GABRG3: variants seen among roughly 807,000 people sequenced by gnomAD.
GABRG3 encodes the protein gamma-aminobutyric acid type A receptor subunit gamma3.
In GABRG3, 25 loss-of-function variants were observed where a neutral mutation model predicts 48.8. That is an observed-to-expected ratio of 0.51 (90% confidence interval 0.37 to 0.72). The LOEUF (loss-of-function observed/expected upper bound fraction) is 0.72, where lower values mean the gene tolerates loss of function less well. Ranked by LOEUF, GABRG3 falls within the 30% of genes least tolerant of loss-of-function variation. The pLI, the probability that GABRG3 is intolerant of heterozygous loss-of-function variation, is 0.00. For missense variants in GABRG3, 394 were observed against 577.9 expected (o/e 0.68, Z 3.26); for synonymous variants, 227 against 217.6 (o/e 1.04, Z -0.38).
chr15:27,424,617 G>A (rs560369168), intron 5 of GABRG3, among the ~76,000 whole-genome samples: 1 of 146,566 alleles, frequency 6.8e-6, no homozygotes, highest in African/African-American at 2.5e-5. Context: ...GCAATGGCAT[G>A]ATCTCAGCTC....
At chr15:27,518,601 A>C (rs1003386577) in intron 6 of GABRG3, among the ~76,000 whole-genome samples, 6 of 152,162 alleles carry the variant, frequency 3.9e-5, no homozygotes, top group African/African-American at 1.2e-4. Flanking sequence ...AAGCTAAGTG[A>C]GTGAATAGGA....
intron 5 of GABRG3, chr15:27,420,679 T>TA (rs1192874561): frequency 6.6e-6 from 1 of 152,238 alleles, no homozygotes; most frequent in Non-Finnish European, 1.5e-5. Context: ...TTTGTAATTT[T>TA]ACCTCCATAA....
intron 2 of GABRG3, among the ~76,000 whole-genome samples, chr15:27,002,761 A>AAGG (rs1895475376): frequency 4.8e-5 from 2 of 41,370 alleles, no homozygotes; most frequent in Admixed American, 1.9e-4. Context: ...AAAAAAAAAA[A>AAGG]AAGGAAGGAA....
At chr15:27,239,584 A>C (rs1434243615) in intron 3 of GABRG3, among the ~76,000 whole-genome samples, 1 of 152,208 alleles carries the variant, frequency 6.6e-6, no homozygotes, top group Admixed American at 6.5e-5. Flanking sequence ...TTATTTTTCT[A>C]ATATGAAATT....
chr15:27,436,368 G>A lies in GABRG3; in HGVS notation c.575-44282G>A, dbSNP rs140054637. Among the ~76,000 whole-genome samples, 6 of 152,278 alleles carry A rather than the reference G, an allele frequency of 3.9e-5. No individual in the cohort carries two copies. In the South Asian group the frequency reaches 6.2e-4, roughly 16 times the overall value. Reference sequence around the variant, plus strand: ...CACCTCCAAATACCACTGGGAATTCGGATTTGAGCACATGAATTTTGGAGG... The same window carrying A: ...CACCTCCAAATACCACTGGGAATTCAGATTTGAGCACATGAATTTTGGAGG... On this transcript the variant is annotated intron_variant, in intron 5 of 9. Transcript: ENST00000615808.
At chr15:27,420,133 G>A (rs1030609278) in intron 5 of GABRG3, among the ~76,000 whole-genome samples, 4 of 152,102 alleles carry the variant, frequency 2.6e-5, no homozygotes, top group African/African-American at 7.2e-5. Flanking sequence ...ACCCTGCCGT[G>A]CAAATCCTTT....
chr15:27,323,263 A>G (rs907112250), intron 3 of GABRG3, among the ~76,000 whole-genome samples: 3 of 152,182 alleles, frequency 2.0e-5, no homozygotes, highest in African/African-American at 7.2e-5. Flanking sequence ...TCTGAGCTTC[A>G]ATTTCTCTGT....
At chr15:27,507,197 A>G (rs1203711462) in intron 6 of GABRG3, among the ~76,000 whole-genome samples, 2 of 152,086 alleles carry the variant, frequency 1.3e-5, no homozygotes, top group Admixed American at 6.6e-5. Context: ...TGTATGATTT[A>G]TATTCTTTTA....
chr15:27,228,518 A>G (rs548620451), intron 3 of GABRG3, among the ~76,000 whole-genome samples: 20 of 152,330 alleles, frequency 1.3e-4, no homozygotes, highest in East Asian at 5.8e-4. Flanking sequence ...CAGCGCTGCA[A>G]TGAACATGCA....
At chr15:27,295,431 C>T (rs890569997) in intron 3 of GABRG3, among the ~76,000 whole-genome samples, 26 of 152,134 alleles carry the variant, frequency 1.7e-4, no homozygotes, top group East Asian at 9.7e-4. Flanking sequence ...CTGATAATGG[C>T]GAACGAGGGA....
At chr15:27,121,537 T>C (rs958260801) in intron 3 of GABRG3, among the ~76,000 whole-genome samples, 9 of 152,224 alleles carry the variant, frequency 5.9e-5, no homozygotes, top group Non-Finnish European at 1.2e-4. Flanking sequence ...TAACAGTGAC[T>C]GTGTAGAGGC....
intron 5 of GABRG3, among the ~76,000 whole-genome samples, chr15:27,397,461 A>G (rs1887340398): frequency 2.0e-5 from 3 of 152,290 alleles, no homozygotes; most frequent in South Asian, 4.1e-4. Context: ...GACCTACCTC[A>G]CGTAATTAAC....
At chr15:27,094,368 C>T (rs374546206) in intron 3 of GABRG3, among the ~76,000 whole-genome samples, 1 of 152,198 alleles carries the variant, frequency 6.6e-6, no homozygotes, top group Non-Finnish European at 1.5e-5. Context: ...CTTTTTATTG[C>T]ACCAGCTGCC....
intron 2 of GABRG3, among the ~76,000 whole-genome samples, chr15:27,022,570 T>C (rs2140678662): frequency 6.6e-6 from 1 of 152,320 alleles, no homozygotes. Context: ...GTCGGGAACT[T>C]TCTTCAAATA....
At chr15:27,426,944 T>C (rs1888310981) in intron 5 of GABRG3, among the ~76,000 whole-genome samples, 1 of 152,204 alleles carries the variant, frequency 6.6e-6, no homozygotes, top group South Asian at 2.1e-4. Context: ...CCATCTGGAA[T>C]CAGGCCTGTT....
intron 6 of GABRG3, among the ~76,000 whole-genome samples, chr15:27,490,405 G>A (rs1331840120): frequency 6.6e-6 from 1 of 152,140 alleles, no homozygotes; most frequent in Non-Finnish European, 1.5e-5. Context: ...GTCCCCTGGG[G>A]AGTCAGGAGC....
chr15:27,325,629 C>G (rs1261906627), intron 3 of GABRG3, among the ~76,000 whole-genome samples: 1 of 152,112 alleles, frequency 6.6e-6, no homozygotes, highest in Admixed American at 6.6e-5. Context: ...TATTTAAGGC[C>G]CATCTTCCCT....
At chr15:27,381,046 T>A (rs1040890005) in intron 5 of GABRG3, among the ~76,000 whole-genome samples, 5 of 152,186 alleles carry the variant, frequency 3.3e-5, no homozygotes, top group African/African-American at 1.2e-4. Flanking sequence ...ATTACAGGCC[T>A]GAGCCACCGC....
intron 3 of GABRG3, among the ~76,000 whole-genome samples, chr15:27,307,006 G>A (rs9796629): frequency 0.66 from 51,019 of 77,296 alleles, 21,812 homozygotes; most frequent in Non-Finnish European, 0.73. Context: ...ATATAAACAT[G>A]TATAAACATG....
Sources: allele counts gnomAD v4.1 joint callset (sites outside exome capture counted in the v4.1 genomes callset), GRCh38; gene constraint gnomAD v4.1.1; transcripts MANE v1.5; gene names NCBI Gene and HGNC (gene_info 2026-07-23, HGNC 2026-07-21).